The following NUP210L variants were observed in gnomAD, a reference collection of about 807,000 sequenced individuals.
NUP210L encodes nuclear pore membrane glycoprotein 210-like.
A neutral mutation model predicts 208.5 loss-of-function variants in NUP210L; 74 were observed. The observed-to-expected ratio is 0.35, with a 90% CI of 0.29 to 0.43. The LOEUF is 0.43. Ranked by LOEUF, NUP210L falls within the 20% of genes least tolerant of loss-of-function variation. The probability of loss-of-function intolerance (pLI) is 1.00; values close to 1 mark genes in which losing one functional copy is unlikely to be tolerated. For synonymous variants in NUP210L, 780 were observed against 816.9 expected, an observed-to-expected ratio of 0.95 and a Z score of 0.77; for missense variants, 1,843 against 2,289.4, an observed-to-expected ratio of 0.81 and a Z score of 3.98.
intron 35 of NUP210L, among the ~76,000 whole-genome samples, chr1:154,007,923 GTGCAGTGGCA>G (rs1650658959): frequency 6.6e-6 from 1 of 150,824 alleles, no homozygotes. Flanking sequence ...CTAGGCTGGA[GTGCAGTGGCA>G]CGATTTTGGC....
At chr1:154,004,793 T>G (rs1650413272) in intron 35 of NUP210L, among the ~76,000 whole-genome samples, 1 of 151,984 alleles carries the variant, frequency 6.6e-6, no homozygotes, top group Non-Finnish European at 1.5e-5. Flanking sequence ...ATTACAGGCA[T>G]GAGCCACTGT....
intron 25 of NUP210L, among the ~76,000 whole-genome samples, chr1:154,050,376 C>T (rs1249112349): frequency 6.6e-6 from 1 of 152,190 alleles, no homozygotes; most frequent in Non-Finnish European, 1.5e-5. Context: ...GGCAGAGTTA[C>T]AGCTGATTGA....
At chr1:154,141,886 G>A (rs1255462275) in intron 3 of NUP210L, among the ~76,000 whole-genome samples, 1 of 152,072 alleles carries the variant, frequency 6.6e-6, no homozygotes. Context: ...TCCAGGCCCG[G>A]TGCAATAGCT....
intron 2 of NUP210L, among the ~76,000 whole-genome samples, chr1:154,148,157 C>T (rs1054508960): frequency 1.3e-5 from 2 of 151,542 alleles, no homozygotes; most frequent in African/African-American, 4.8e-5. Context: ...ATCCCAGCTA[C>T]TCAGGAGGCT....
rs1387948921 is a variant in NUP210L, at chr1:154,117,653, A to T, written c.1620+72T>A. The T allele has an allele frequency of 2.9e-5, 35 of 1,189,264 alleles. No individual in the cohort carries two copies. The East Asian group carries it at 8.3e-4, about 28-fold the overall frequency. 73.7% of individuals were successfully genotyped at this position (1,189,264 alleles called of 1,614,324 possible). On this transcript the variant is annotated intron_variant, in intron 12 of 39. Coordinates refer to ENST00000368559, the Ensembl canonical transcript of NUP210L. ...AATAGCCATGTTGGGCTCTTTTTTT[A>T]AAGTGTGTTAATTACTTAAATTTAG...
At chr1:154,031,154 T>C (rs1290344458) in intron 27 of NUP210L, among the ~76,000 whole-genome samples, 2 of 152,190 alleles carry the variant, frequency 1.3e-5, no homozygotes, top group African/African-American at 4.8e-5. Context: ...AATGGCATGA[T>C]TTCAGCTCAC....
chr1:153,993,118 G>A (rs759450037), intron 38 of NUP210L, 29 bp from the exon 39 acceptor site: 9 of 1,556,096 alleles, frequency 5.8e-6, no homozygotes, highest in Non-Finnish European at 7.9e-6. Context: ...ATGTCACAAG[G>A]CATATCTGAG....
At position 154,136,029 on chromosome 1, in the gene NUP210L, G is replaced by T; in HGVS notation, c.851-57C>A. 5 of 1,159,566 alleles carry T rather than the reference G, an allele frequency of 4.3e-6. No homozygotes were observed. In the South Asian group the frequency reaches 5.0e-5, roughly 12 times the overall value. 71.8% of individuals were successfully genotyped at this position (1,159,566 alleles called of 1,614,324 possible). Reference sequence around the variant, plus strand: ...GACAGCAGCCATTCCAGTAGATAATGATGTATTCTTGATCATAAAGGAATG... The same window carrying T: ...GACAGCAGCCATTCCAGTAGATAATTATGTATTCTTGATCATAAAGGAATG... On this transcript the variant is annotated intron_variant, in intron 6 of 39. Transcript: ENST00000368559.
At chr1:154,021,310 C>T (rs1415556731) in intron 32 of NUP210L, among the ~76,000 whole-genome samples, 2 of 152,016 alleles carry the variant, frequency 1.3e-5, no homozygotes, top group African/African-American at 2.4e-5. Context: ...TGGCCAGGGG[C>T]CAACCCCTTG....
rs926032865 is a variant in NUP210L at position 154,110,760 on chromosome 1, C to T, written c.1621-6550G>A. Among the ~76,000 whole-genome samples the T allele has an allele frequency of 1.1e-4, 17 of 151,102 alleles. 1 individual carries two copies. The highest frequency in any genetic ancestry group is 4.2e-4 in the African/African-American group (17 of 40,590). ...TGGCGTGGTGGTGTTCACCTGTATT[C>T]CCAGCTACTTGGGAGACTGCGGCTG... On this transcript the variant is annotated intron_variant, in intron 12 of 39. Transcript: ENST00000368559.
At chr1:154,091,702 T>C (rs1418528030) in intron 15 of NUP210L, among the ~76,000 whole-genome samples, 1 of 151,708 alleles carries the variant, frequency 6.6e-6, no homozygotes. Context: ...GGTTTCACCA[T>C]ATTGGCCAGG....
intron 37 of NUP210L, chr1:153,995,491 C>T (rs1649794098): frequency 1.0e-5 from 6 of 583,334 alleles, no homozygotes; most frequent in Non-Finnish European, 1.9e-5. Context: ...CTTCCTATCT[C>T]CAGAGTAATA....
At chr1:154,069,067 AT>A (rs1421494059) in intron 17 of NUP210L, among the ~76,000 whole-genome samples, 1 of 152,206 alleles carries the variant, frequency 6.6e-6, no homozygotes, top group African/African-American at 2.4e-5. Context: ...AAAGACTTAA[AT>A]GTTAGACCTA....
At chr1:153,994,072 GTC>G (rs34015972) in intron 38 of NUP210L, among the ~76,000 whole-genome samples, 22,435 of 151,984 alleles carry the variant, frequency 0.15, 2,021 homozygotes, top group East Asian at 0.49. Context: ...TAGAGATGGA[GTC>G]TCTCTGTGTT....
intron 27 of NUP210L, among the ~76,000 whole-genome samples, chr1:154,039,158 G>A (rs1478887502): frequency 6.6e-6 from 1 of 151,188 alleles, no homozygotes; most frequent in Non-Finnish European, 1.5e-5. Context: ...CTTTCAGATT[G>A]TAGTATTCCC....
intron 14 of NUP210L, 59 bp downstream of exon 14, chr1:154,099,939 A>T: frequency 6.5e-7 from 1 of 1,530,958 alleles, no homozygotes; most frequent in Non-Finnish European, 9.0e-7. Context: ...TAAGCCCATA[A>T]GCAGACATAG....
intron 30 of NUP210L, among the ~76,000 whole-genome samples, chr1:154,024,721 G>A (rs1026208568): frequency 1.4e-5 from 2 of 144,562 alleles, no homozygotes; most frequent in African/African-American, 5.1e-5. Context: ...TGTAGAGATA[G>A]GGGTCTCATT....
chr1:154,009,734 G>T (rs1045264075), intron 35 of NUP210L, among the ~76,000 whole-genome samples: 1 of 147,456 alleles, frequency 6.8e-6, no homozygotes, highest in African/African-American at 2.5e-5. Context: ...TAAGGTTACA[G>T]TGAGCTATGA....
chr1:154,125,925 G>A (rs1393983312), intron 10 of NUP210L, among the ~76,000 whole-genome samples: 3 of 151,036 alleles, frequency 2.0e-5, no homozygotes, highest in East Asian at 2.0e-4. Flanking sequence ...CCGCCACCGC[G>A]CCCGGCTAAT....
Sources: allele counts gnomAD v4.1 joint callset (sites outside exome capture counted in the v4.1 genomes callset), GRCh38; gene constraint gnomAD v4.1.1; transcripts MANE v1.5; gene names NCBI Gene and HGNC (gene_info 2026-07-23, HGNC 2026-07-21).